CCDC12: variants seen among roughly 807,000 people sequenced by gnomAD.
CCDC12 encodes coiled-coil domain containing 12.
A neutral mutation model predicts 25.7 loss-of-function variants in CCDC12; 28 were observed. That is an observed-to-expected ratio of 1.09 (90% CI 0.81 to 1.50). The LOEUF is 1.50. CCDC12 is among the 40% of genes most tolerant of loss of function. The probability of loss-of-function intolerance (pLI) is 0.00; values close to 1 mark genes in which losing one functional copy is unlikely to be tolerated. For synonymous variants in CCDC12, 75 were observed against 87.7 expected (o/e 0.86, Z 0.81); for missense variants, 198 against 210.0 (o/e 0.94, Z 0.35).
At chr3:46,967,663 C>T (rs1479056928) in intron 1 of CCDC12, among the ~76,000 whole-genome samples, 13 of 152,208 alleles carry the variant, frequency 8.5e-5, no homozygotes. Flanking sequence ...AGTATTCCCA[C>T]TCCTTCCATA....
chr3:46,958,719 C>G (rs1325308206), intron 1 of CCDC12, among the ~76,000 whole-genome samples: 1 of 152,094 alleles, frequency 6.6e-6, no homozygotes, highest in Non-Finnish European at 1.5e-5. Context: ...GGAGCTGAGA[C>G]TCGGGATGTT....
chr3:46,953,508 G>A (rs2034192028), intron 1 of CCDC12, among the ~76,000 whole-genome samples: 1 of 152,078 alleles, frequency 6.6e-6, no homozygotes, highest in African/African-American at 2.4e-5. Flanking sequence ...GAACCTAGCT[G>A]ACTATGGCTC....
intron 2 of CCDC12, among the ~76,000 whole-genome samples, chr3:46,940,327 C>T (rs1410515179): frequency 6.6e-6 from 1 of 152,158 alleles, no homozygotes; most frequent in Non-Finnish European, 1.5e-5. Context: ...GGGAAGTGTA[C>T]CCAAGACCCT....
At chr3:46,976,750 C>A, upstream of CCDC12, 1 of 1,593,616 alleles carries the variant, frequency 6.3e-7, no homozygotes, top group Non-Finnish European at 8.5e-7. Flanking sequence ...GCGTACGCCC[C>A]TCCTTTTCTC....
At chr3:46,966,557 G>A (rs1350741521) in intron 1 of CCDC12, among the ~76,000 whole-genome samples, 2 of 152,004 alleles carry the variant, frequency 1.3e-5, no homozygotes, top group Non-Finnish European at 2.9e-5. Context: ...GAAAGAAAAG[G>A]GCTAGAGTTG....
intron 1 of CCDC12, 111 bp downstream of exon 1, chr3:46,976,526 T>C (rs926153567): frequency 4.5e-5 from 66 of 1,456,504 alleles, no homozygotes; most frequent in South Asian, 5.6e-5. Context: ...CGCCCGCGCA[T>C]GCGCGCCCTC....
intron 1 of CCDC12, among the ~76,000 whole-genome samples, chr3:46,962,755 G>A (rs1442362347): frequency 2.0e-5 from 3 of 152,136 alleles, no homozygotes; most frequent in Admixed American, 6.5e-5. Context: ...GAGAGGAACC[G>A]CCATACAGTG....
rs1575532407 is a variant in CCDC12, at chr3:46,922,074, T to C, written c.484A>G (p.Thr162Ala). Residue 162 changes from threonine (T) to alanine (A), a missense_variant, in exon 7 of 7, where the codon ACC (threonine) becomes GCC (alanine). Physicochemically the swap from Thr to Ala is moderately conservative, Grantham distance 58. Transcript: ENST00000683445. ...GGCATGCCTCAGTCGGAGTCACAGG[T>C]CTTTTGTTCGGTGGCAGCATCCACT... ...SAVDAATEQK[T>A]CDSD 3 of 1,614,098 alleles carry C rather than the reference T, an allele frequency of 1.9e-6. No homozygotes were observed. The East Asian group carries it at 6.7e-5, about 36-fold the overall frequency.
chr3:46,967,916 T>A (rs2034687807), intron 1 of CCDC12, among the ~76,000 whole-genome samples: 1 of 152,160 alleles, frequency 6.6e-6, no homozygotes, highest in South Asian at 2.1e-4. Context: ...AATGCATGAA[T>A]TTATAGGCTA....
chr3:46,925,286 T>G (rs1430300235), intron 3 of CCDC12, 170 bp downstream of exon 3: 4 of 717,520 alleles, frequency 5.6e-6, no homozygotes, highest in African/African-American at 3.5e-5. Flanking sequence ...CCTCTGCTGC[T>G]GCCGAAGGCC....
Position 46,923,587 on chromosome 3 carries a change from A to G in CCDC12, c.306+20T>C, listed in dbSNP as rs751773284. On this transcript the variant is annotated intron_variant, in intron 4 of 6. Coordinates refer to ENST00000683445, the MANE Select transcript of CCDC12 (RefSeq NM_001277074.2). ...GACACACAGAAGCAGCGAGGATGCC[A>G]GGGTGGTCCAGGCACTCACCACCTC... 6.2e-7 allele frequency: 1 copy of G among 1,604,314 alleles called. No homozygotes were observed. Among genetic ancestry groups the G allele is most frequent in the Admixed American group, 1.7e-5 (1 of 58,646 alleles).
At chr3:46,937,453 C>A (rs1341947609) in intron 2 of CCDC12, among the ~76,000 whole-genome samples, 1 of 152,212 alleles carries the variant, frequency 6.6e-6, no homozygotes, top group Non-Finnish European at 1.5e-5. Context: ...TGGGCTCAAC[C>A]CAGAGTGACC....
At chr3:46,970,332 T>C (rs1559566879) in intron 1 of CCDC12, among the ~76,000 whole-genome samples, 2 of 152,150 alleles carry the variant, frequency 1.3e-5, no homozygotes, top group South Asian at 4.1e-4. Flanking sequence ...CTGCATATTA[T>C]GTGTGGCCCA....
chr3:46,957,679 T>C (rs1053834099), intron 1 of CCDC12, among the ~76,000 whole-genome samples: 5 of 152,164 alleles, frequency 3.3e-5, no homozygotes, highest in African/African-American at 1.2e-4. Flanking sequence ...CGGTGGCTCA[T>C]GCCTGTAATC....
At chr3:46,974,670 G>C (rs1206487849) in intron 1 of CCDC12, among the ~76,000 whole-genome samples, 1 of 152,206 alleles carries the variant, frequency 6.6e-6, no homozygotes, top group African/African-American at 2.4e-5. Context: ...AGGACCCCCA[G>C]ACTGCCATGC....
At chr3:46,980,301 C>T (rs2035231334), upstream of CCDC12, among the ~76,000 whole-genome samples, 1 of 152,118 alleles carries the variant, frequency 6.6e-6, no homozygotes, top group African/African-American at 2.4e-5. Flanking sequence ...GGGAGGGGGA[C>T]TCAATTTGTC....
chr3:46,937,793 C>A (rs1331908262), intron 2 of CCDC12, among the ~76,000 whole-genome samples: 2 of 152,182 alleles, frequency 1.3e-5, no homozygotes, highest in Non-Finnish European at 2.9e-5. Flanking sequence ...AAGTTACGTC[C>A]ACATAGGTCT....
intron 1 of CCDC12, among the ~76,000 whole-genome samples, chr3:46,949,286 G>T (rs1187193780): frequency 6.6e-6 from 1 of 152,160 alleles, no homozygotes; most frequent in Admixed American, 6.5e-5. Flanking sequence ...GACGGAGGGG[G>T]AAGAGAGCAG....
rs950461286 is a variant in CCDC12, at chr3:46,935,463, T to C, written c.164+5535A>G. ...GCCCTAGACATGCCTCCATGGCACA[T>C]ATCAGCCAACCTCCCATCAGGAAGA... On this transcript the variant is annotated intron_variant, in intron 2 of 6. Transcript: ENST00000683445. Among the ~76,000 whole-genome samples, 5 of 151,598 alleles carry C rather than the reference T, an allele frequency of 3.3e-5. No homozygotes were observed. In the South Asian group the frequency reaches 1.0e-3, roughly 32 times the overall value.
Sources: gnomAD v4.1 joint callset for allele counts (sites outside exome capture counted in the v4.1 genomes callset) on GRCh38, gnomAD v4.1.1 for gene constraint, MANE v1.5 for transcripts, NCBI Gene and HGNC (gene_info 2026-07-23, HGNC 2026-07-21) for gene names.